The following MUSK variants were observed in gnomAD, a reference collection of about 807,000 sequenced individuals.
MUSK encodes muscle, skeletal receptor tyrosine-protein kinase.
In MUSK, 55 loss-of-function variants were observed where a neutral mutation model predicts 88.7. The observed-to-expected ratio is 0.62, with a 90% CI of 0.50 to 0.78. The LOEUF is 0.78. MUSK is among the 30% of genes least tolerant of loss of function. The pLI is 0.00. For missense variants in MUSK, 1,015 were observed against 1,074.3 expected (o/e 0.94, Z 0.77); for synonymous variants, 387 against 391.9 (o/e 0.99, Z 0.15).
chr9:110,695,622 A>T, intron 4 of MUSK, 92 bp downstream of exon 4: 1 of 1,016,494 alleles, frequency 9.8e-7, no homozygotes, highest in Non-Finnish European at 1.4e-6. Flanking sequence ...ACAAACTTCT[A>T]GTATAAAGTA....
chr9:110,745,357 T>C (rs1215857231), intron 6 of MUSK, among the ~76,000 whole-genome samples: 1 of 152,194 alleles, frequency 6.6e-6, no homozygotes, highest in Non-Finnish European at 1.5e-5. Flanking sequence ...TGCTTCAAAG[T>C]TGTCTCTAAG....
chr9:110,755,951 CACATATATATATACAT>C lies in MUSK; in HGVS notation c.914-6249_914-6234del, dbSNP rs2077310992. On this transcript the variant is annotated intron_variant, in intron 7 of 14. Coordinates refer to ENST00000374448, the MANE Select transcript of MUSK (RefSeq NM_005592.4). The stretch of plus-strand genomic sequence containing the variant: ...ATATATACATATATATATATATATA[CACATATATATATACAT>C]ATATATATATACATATATATATATA... Among the ~76,000 whole-genome samples, 213 of 101,776 alleles carry C rather than the reference CACATATATATATACAT, an allele frequency of 2.1e-3. 6 individuals carry two copies. The highest frequency in any genetic ancestry group is 2.8e-3 in the Non-Finnish European group (144 of 52,070). 66.8% of individuals were successfully genotyped at this position (101,776 alleles called of 152,430 possible).
intron 5 of MUSK, among the ~76,000 whole-genome samples, chr9:110,699,990 C>A (rs1003893967): frequency 6.6e-6 from 1 of 152,216 alleles, no homozygotes; most frequent in Admixed American, 6.5e-5. Flanking sequence ...CACCCTACCA[C>A]ACAGAAGTAA....
chr9:110,744,266 C>A (rs1188620347), intron 6 of MUSK, among the ~76,000 whole-genome samples: 2 of 152,206 alleles, frequency 1.3e-5, no homozygotes, highest in Non-Finnish European at 2.9e-5. Context: ...TGCACCCGGC[C>A]CTGGGCCATA....
rs929585576 is a variant in MUSK, at chr9:110,806,041, A to T, written c.*5053A>T. Reference sequence around the variant, plus strand: ...AAAAACTCACAAGAGGGTAAAAATTAAAAAAATAATAAAAGTTCCCTTCTT... The same window carrying T: ...AAAAACTCACAAGAGGGTAAAAATTTAAAAAATAATAAAAGTTCCCTTCTT... On this transcript the variant is annotated 3_prime_UTR_variant, in exon 15 of 15. Coordinates refer to ENST00000374448, the MANE Select transcript of MUSK (RefSeq NM_005592.4). Among the ~76,000 whole-genome samples the T allele has an allele frequency of 6.6e-5, 10 of 152,014 alleles. No homozygotes were observed. Among genetic ancestry groups the T allele is most frequent in the Non-Finnish European group, 1.0e-4 (7 of 67,936 alleles).
chr9:110,696,074 C>T (rs867763499), intron 4 of MUSK, among the ~76,000 whole-genome samples: 9 of 152,232 alleles, frequency 5.9e-5, no homozygotes, highest in Middle Eastern at 6.8e-3. Flanking sequence ...GTCAGAAGTT[C>T]AAGACCAGCC....
chr9:110,767,994 C>G lies in MUSK; in HGVS notation c.1095C>G (p.Val365=). 1 of 1,614,006 alleles carries G rather than the reference C, an allele frequency of 6.2e-7. No individual in the cohort carries two copies. The highest frequency in any genetic ancestry group is 1.1e-5 in the South Asian group (1 of 91,084). Residue 365 remains valine, a synonymous_variant, in exon 9 of 15, where the codon GTC becomes GTG. Coordinates refer to ENST00000374448, the MANE Select transcript of MUSK (RefSeq NM_005592.4). ...ATGAACTGAAAGTAGTGAGCCCAGT[C>G]TGCCGGCCAGCTGCTGAGGCTTTGT... ...AWNELKVVSP[V]CRPAAEALLC...
chr9:110,716,413 AT>A (rs2076744856), intron 5 of MUSK, among the ~76,000 whole-genome samples: 1 of 150,206 alleles, frequency 6.7e-6, no homozygotes, highest in South Asian at 2.1e-4. Flanking sequence ...AGCTCAGGAA[AT>A]TAATATTTGA....
At chr9:110,720,978 CA>C (rs1289301805) in intron 5 of MUSK, among the ~76,000 whole-genome samples, 1 of 151,932 alleles carries the variant, frequency 6.6e-6, no homozygotes, top group African/African-American at 2.4e-5. Flanking sequence ...TAAACAGAAT[CA>C]AAAACAAAAA....
intron 5 of MUSK, among the ~76,000 whole-genome samples, chr9:110,726,360 T>A (rs2076884029): frequency 6.6e-6 from 1 of 152,018 alleles, no homozygotes; most frequent in South Asian, 2.1e-4. Flanking sequence ...TGAACAATAG[T>A]AGCAACAATA....
chr9:110,711,851 TTG>T (rs1001458754), intron 5 of MUSK, among the ~76,000 whole-genome samples: 40 of 152,292 alleles, frequency 2.6e-4, no homozygotes, highest in African/African-American at 7.9e-4. Flanking sequence ...AAATGGAAAA[TTG>T]TGTGTTGTCA....
intron 8 of MUSK, among the ~76,000 whole-genome samples, chr9:110,766,132 T>C (rs2077480894): frequency 6.6e-6 from 1 of 152,042 alleles, no homozygotes; most frequent in African/African-American, 2.4e-5. Context: ...AGAGTAAATG[T>C]TTAGGTTTTA....
At chr9:110,678,049 T>G (rs2076054114) in intron 1 of MUSK, among the ~76,000 whole-genome samples, 1 of 152,188 alleles carries the variant, frequency 6.6e-6, no homozygotes. Flanking sequence ...TTGACTTACA[T>G]TAGCATTGTT....
At chr9:110,693,272 C>A (rs1262167190) in intron 3 of MUSK, among the ~76,000 whole-genome samples, 1 of 152,106 alleles carries the variant, frequency 6.6e-6, no homozygotes, top group Admixed American at 6.6e-5. Flanking sequence ...TCTTTTCTTG[C>A]CTTCTTTTTT....
chr9:110,689,933 TATAA>T (rs1488075075), intron 3 of MUSK, among the ~76,000 whole-genome samples: 3 of 95,394 alleles, frequency 3.1e-5, no homozygotes, highest in Non-Finnish European at 5.4e-5. Flanking sequence ...AAATATAATA[TATAA>T]ATATATATTT....
intron 3 of MUSK, among the ~76,000 whole-genome samples, chr9:110,687,536 T>C (rs1056250334): frequency 6.6e-6 from 1 of 152,054 alleles, no homozygotes; most frequent in Non-Finnish European, 1.5e-5. Flanking sequence ...GGTTTCACTA[T>C]GTTGGACAGG....
At chr9:110,705,132 A>C (rs11999972) in intron 5 of MUSK, among the ~76,000 whole-genome samples, 3,069 of 152,246 alleles carry the variant, frequency 0.02, 94 homozygotes, top group African/African-American at 0.069. Flanking sequence ...GAAAAAAAAC[A>C]CTTCTTCCAA....
At chr9:110,787,158 T>A (rs1182403996) in intron 13 of MUSK, among the ~76,000 whole-genome samples, 1 of 151,992 alleles carries the variant, frequency 6.6e-6, no homozygotes, top group Non-Finnish European at 1.5e-5. Context: ...GTCAGGAGAT[T>A]GAGACCATCC....
intron 6 of MUSK, among the ~76,000 whole-genome samples, chr9:110,744,594 T>G (rs1468959854): frequency 6.6e-6 from 1 of 152,228 alleles, no homozygotes; most frequent in Non-Finnish European, 1.5e-5. Flanking sequence ...AAAAGTTTTA[T>G]TGTGATCTTT....
Sources: allele counts gnomAD v4.1 joint callset (sites outside exome capture counted in the v4.1 genomes callset), GRCh38; gene constraint gnomAD v4.1.1; transcripts MANE v1.5; gene names NCBI Gene and HGNC (gene_info 2026-07-23, HGNC 2026-07-21).